The following ANKFY1 variants were observed in gnomAD, a reference collection of about 807,000 sequenced individuals.
ANKFY1 encodes ankyrin repeat and FYVE domain-containing protein 1.
In ANKFY1, 47 loss-of-function variants were observed where a neutral mutation model predicts 128.3. The ratio of observed to expected loss-of-function variants is 0.37; its 90% CI spans 0.29 to 0.47. The LOEUF (loss-of-function observed/expected upper bound fraction) is 0.47. Ranked by LOEUF, ANKFY1 falls within the 20% of genes least tolerant of loss-of-function variation. The probability of loss-of-function intolerance (pLI) is 1.00; values close to 1 mark genes in which losing one functional copy is unlikely to be tolerated. For synonymous variants in ANKFY1, 553 were observed against 601.6 expected (o/e 0.92, Z 1.18); for missense variants, 1,222 against 1,510.6 (o/e 0.81, Z 3.17).
At chr17:4,171,674 G>A (rs896238331) in intron 22 of ANKFY1, among the ~76,000 whole-genome samples, 1 of 152,196 alleles carries the variant, frequency 6.6e-6, no homozygotes, top group Non-Finnish European at 1.5e-5. Flanking sequence ...GCAAGGTGCT[G>A]CTGAGTACGT....
Position 4,183,495 on chromosome 17 carries a change from T to C in ANKFY1, c.1855A>G (p.Met619Val), listed in dbSNP as rs908696253. 15 of 1,613,262 alleles carry C rather than the reference T, an allele frequency of 9.3e-6. No individual in the cohort carries two copies. The highest frequency in any genetic ancestry group is 1.9e-4 in the Middle Eastern group (1 of 5,388). Reference protein sequence around the residue: ...LGSGAAINDTMSDGQTLLHMA... With the variant: ...LGSGAAINDTVSDGQTLLHMA... ...TGCAGTAGCGTCTGCCCATCCGACA[T>C]GGTGTCATTGATGGCGGCTCCAGAG... is the stretch of plus-strand genomic sequence containing the variant. Residue 619 changes from methionine to valine, a missense_variant, in exon 14 of 25, where the codon ATG (methionine) becomes GTG (valine). Met to Val is a conservative substitution (Grantham distance 21, BLOSUM62 1). Coordinates refer to ENST00000341657, the MANE Select transcript of ANKFY1 (RefSeq NM_001330063.2).
At chr17:4,171,162 G>A (rs2059312917) in intron 22 of ANKFY1, among the ~76,000 whole-genome samples, 1 of 152,164 alleles carries the variant, frequency 6.6e-6, no homozygotes. Context: ...AGGTGGGGAG[G>A]GATTCAACAC....
chr17:4,225,991 A>G (rs1267520224), intron 3 of ANKFY1, among the ~76,000 whole-genome samples: 1 of 152,120 alleles, frequency 6.6e-6, no homozygotes, highest in African/African-American at 2.4e-5. Flanking sequence ...TCAAACTCCT[A>G]GGCTCAAGGG....
chr17:4,213,674 C>G (rs1216011550), intron 4 of ANKFY1, among the ~76,000 whole-genome samples: 3 of 150,298 alleles, frequency 2.0e-5, no homozygotes, highest in Admixed American at 6.7e-5. Context: ...TCATGCGATT[C>G]TCCTGTCTCC....
intron 1 of ANKFY1, 114 bp downstream of exon 1, chr17:4,263,818 C>G: frequency 6.2e-7 from 1 of 1,608,334 alleles, no homozygotes; most frequent in Non-Finnish European, 8.5e-7. Flanking sequence ...TCGCGAGACC[C>G]GCGGAGCCCC....
At position 4,263,645 on chromosome 17, in the gene ANKFY1, C is replaced by A. The variant is rs551704810; in HGVS notation, c.10+287G>T. The A allele has an allele frequency of 6.5e-6, 10 of 1,534,704 alleles. No individual in the cohort carries two copies. In the South Asian group the frequency reaches 1.1e-4, roughly 16 times the overall value. On this transcript the variant is annotated intron_variant, in intron 1 of 24. Transcript: ENST00000341657. ...GCAATCAAGAGCCTCCCGTGCTGCCCTCGGGGCCCCGCGGCTGCACGCAGC... is the reference window on the plus strand; with the variant it reads ...GCAATCAAGAGCCTCCCGTGCTGCCATCGGGGCCCCGCGGCTGCACGCAGC...
intron 1 of ANKFY1, among the ~76,000 whole-genome samples, chr17:4,246,492 C>T (rs2143438719): frequency 6.6e-6 from 1 of 152,320 alleles, no homozygotes; most frequent in South Asian, 2.1e-4. Flanking sequence ...CTATGCAAGT[C>T]AGCTGAAAAG....
At chr17:4,197,063 G>A (rs1215398441) in intron 8 of ANKFY1, among the ~76,000 whole-genome samples, 6 of 152,168 alleles carry the variant, frequency 3.9e-5, no homozygotes, top group Non-Finnish European at 5.9e-5. Context: ...AGGCTGCAGT[G>A]AGCCAAGATC....
intron 16 of ANKFY1, 61 bp from the exon 17 acceptor site, chr17:4,179,938 G>A: frequency 1.3e-6 from 2 of 1,592,562 alleles, no homozygotes; most frequent in Non-Finnish European, 1.7e-6. Flanking sequence ...TAGGCATGCT[G>A]ATTACAAATG....
intron 7 of ANKFY1, among the ~76,000 whole-genome samples, chr17:4,199,111 G>A (rs964539189): frequency 6.6e-6 from 1 of 152,238 alleles, no homozygotes; most frequent in Admixed American, 6.5e-5. Context: ...AGTGGGCTAT[G>A]ACTGTGCCAC....
Position 4,195,046 on chromosome 17 carries a change from T to C in ANKFY1, c.1304A>G (p.Asp435Gly). The change falls in exon 10 of 25, where the codon GAT becomes GGT. Residue 435 changes from aspartate (D) to glycine (G), a missense_variant. Transcript: ENST00000341657. ...GAGTCTGGCTGCAAAGCTGTTCTCATCAAATGAAGTCCCATTTACCACGGG... is the reference window on the plus strand; with the variant it reads ...GAGTCTGGCTGCAAAGCTGTTCTCACCAAATGAAGTCCCATTTACCACGGG... Reference protein sequence around the residue: ...DVPVVNGTSFDENSFAARLIQ... With the variant: ...DVPVVNGTSFGENSFAARLIQ... 1 of 1,614,184 alleles carries C rather than the reference T, an allele frequency of 6.2e-7. No homozygotes were observed. Among genetic ancestry groups the C allele is most frequent in the South Asian group, 1.1e-5 (1 of 91,074 alleles).
intron 2 of ANKFY1, among the ~76,000 whole-genome samples, chr17:4,236,785 C>T (rs1043366603): frequency 1.3e-5 from 2 of 151,538 alleles, no homozygotes; most frequent in African/African-American, 4.9e-5. Flanking sequence ...ACAAAAACCA[C>T]TATATGGAAA....
intron 19 of ANKFY1, among the ~76,000 whole-genome samples, chr17:4,174,890 T>TG (rs1384114637): frequency 6.6e-6 from 1 of 151,722 alleles, no homozygotes; most frequent in Non-Finnish European, 1.5e-5. Flanking sequence ...ACCTGGCTAA[T>TG]TAAAAAAAAG....
At chr17:4,223,100 TAAAG>T (rs2060355869) in intron 3 of ANKFY1, 4 of 733,156 alleles carry the variant, frequency 5.5e-6, no homozygotes, top group South Asian at 1.5e-5. Context: ...AAGATCCAAA[TAAAG>T]AAAAACAAGC....
At chr17:4,242,799 A>G (rs1967317035) in intron 1 of ANKFY1, among the ~76,000 whole-genome samples, 1 of 152,246 alleles carries the variant, frequency 6.6e-6, no homozygotes, top group Non-Finnish European at 1.5e-5. Flanking sequence ...CAGGAAGACC[A>G]TCATGGTTAC....
intron 1 of ANKFY1, among the ~76,000 whole-genome samples, chr17:4,254,595 C>T (rs972604584): frequency 1.6e-4 from 25 of 152,136 alleles, no homozygotes; most frequent in Non-Finnish European, 3.2e-4. Context: ...CATAAGAACA[C>T]GTTTCTGTTG....
At chr17:4,183,294 T>C in intron 14 of ANKFY1, 104 bp downstream of exon 14, 1 of 1,396,174 alleles carries the variant, frequency 7.2e-7, no homozygotes, top group Non-Finnish European at 9.8e-7. Context: ...TCCTTTCCTC[T>C]AACTAATATG....
At chr17:4,189,580 C>G in intron 10 of ANKFY1, 101 bp from the exon 11 acceptor site, 1 of 1,048,166 alleles carries the variant, frequency 9.5e-7, no homozygotes, top group East Asian at 2.6e-5. Context: ...CTGGCAAGCC[C>G]ACGCCAGACA....
chr17:4,252,008 T>C (rs1031588792), intron 1 of ANKFY1, among the ~76,000 whole-genome samples: 105 of 143,932 alleles, frequency 7.3e-4, no homozygotes, highest in Non-Finnish European at 1.2e-3. Context: ...CACTCAACCC[T>C]GGGCAACAGA....
Sources: gnomAD v4.1 joint callset for allele counts (sites outside exome capture counted in the v4.1 genomes callset) on GRCh38, gnomAD v4.1.1 for gene constraint, MANE v1.5 for transcripts, NCBI Gene and HGNC (gene_info 2026-07-23, HGNC 2026-07-21) for gene names.